The following ABHD6 variants were observed in gnomAD, a reference collection of about 807,000 sequenced individuals.
ABHD6 encodes the protein monoacylglycerol lipase ABHD6.
A neutral mutation model predicts 38.8 loss-of-function variants in ABHD6; 33 were observed. The ratio of observed to expected loss-of-function variants is 0.85; its 90% CI spans 0.64 to 1.14. The LOEUF (loss-of-function observed/expected upper bound fraction) is 1.14, where lower values mean the gene tolerates loss of function less well. Ranked by LOEUF, ABHD6 falls within the 50% of genes most tolerant of loss-of-function variation. The probability of loss-of-function intolerance (pLI) is 0.00; values close to 1 mark genes in which losing one functional copy is unlikely to be tolerated. For missense variants in ABHD6, 380 were observed against 422.6 expected, an observed-to-expected ratio of 0.90 and a Z score of 0.88; for synonymous variants, 147 against 161.6, an observed-to-expected ratio of 0.91 and a Z score of 0.69.
intron 7 of ABHD6, among the ~76,000 whole-genome samples, chr3:58,281,299 A>G (rs1214190006): frequency 6.6e-6 from 1 of 152,134 alleles, no homozygotes; most frequent in African/African-American, 2.4e-5. Flanking sequence ...AGCCTCAGCA[A>G]TGGCAGACGC....
chr3:58,258,881 G>A (rs910294154), intron 3 of ABHD6, among the ~76,000 whole-genome samples: 13 of 152,232 alleles, frequency 8.5e-5, no homozygotes, highest in African/African-American at 2.6e-4. Context: ...CAAGTCACCC[G>A]GGACCCACCT....
In ABHD6 at chr3:58,290,712, G is replaced by C. The variant is rs77947346; in HGVS notation, c.838-2877G>C. On this transcript the variant is annotated intron_variant, in intron 9 of 9. Coordinates refer to ENST00000478253, the MANE Select transcript of ABHD6 (RefSeq NM_001320126.2). ...TCACCTCCCAGACGGGGTCGCGGCCGGGCAGAGGCGCTCCTCACATCCCAG... is the reference window on the plus strand; with the variant it reads ...TCACCTCCCAGACGGGGTCGCGGCCCGGCAGAGGCGCTCCTCACATCCCAG... Among the ~76,000 whole-genome samples, 37 of 151,686 alleles carry C rather than the reference G, an allele frequency of 2.4e-4. 1 individual carries two copies. Among genetic ancestry groups the C allele is most frequent in the South Asian group, 4.2e-4 (2 of 4,796 alleles).
Position 58,287,480 on chromosome 3 carries a change from T to C in ABHD6, c.837+2027T>C, listed in dbSNP as rs886557603. Among the ~76,000 whole-genome samples, 2 of 151,032 alleles carry C rather than the reference T, an allele frequency of 1.3e-5. No individual in the cohort carries two copies. The highest frequency in any genetic ancestry group is 4.9e-5 in the African/African-American group (2 of 41,062). ...ACGCAGAATAAGAGGCAATGGTGTC[T>C]TAGATGAGCCAGGCATGGTGAGGAT... On this transcript the variant is annotated intron_variant, in intron 9 of 9. Transcript: ENST00000478253. The surrounding 1 kb of genome is among the most constrained non-coding windows in gnomAD (Gnocchi z 4.7).
At position 58,293,754 on chromosome 3, in the gene ABHD6, A is replaced by G; in HGVS notation, c.1003A>G (p.Lys335Glu). The G allele has an allele frequency of 6.2e-7, 1 of 1,614,092 alleles. No homozygotes were observed. Among genetic ancestry groups the G allele is most frequent in the Non-Finnish European group, 8.5e-7 (1 of 1,179,958 alleles). ...TGTGCACAACACAGACAACAACAAG[A>G]AGCTGGACTGAGGCCCCGACTGCAG... ...ASVHNTDNNK[K>E]LD Residue 335 changes from lysine to glutamate, a missense_variant, in exon 10 of 10, where the codon AAG (lysine) becomes GAG (glutamate). Physicochemically the swap from Lys to Glu is moderately conservative, Grantham distance 56 (BLOSUM62 1). Coordinates refer to ENST00000478253, the MANE Select transcript of ABHD6 (RefSeq NM_001320126.2). The surrounding 1 kb of genome is among the most constrained non-coding windows in gnomAD (Gnocchi z 4.4).
At chr3:58,278,857 T>C (rs2107465164) in intron 7 of ABHD6, among the ~76,000 whole-genome samples, 1 of 152,364 alleles carries the variant, frequency 6.6e-6, no homozygotes, top group East Asian at 1.9e-4. Context: ...TTTCGATATT[T>C]ACCCAGTAGT....
At chr3:58,272,375 C>T (rs1411464358) in intron 6 of ABHD6, among the ~76,000 whole-genome samples, 1 of 152,136 alleles carries the variant, frequency 6.6e-6, no homozygotes, top group Non-Finnish European at 1.5e-5. Context: ...TTTTATGACT[C>T]ATATCTTCTA....
At chr3:58,242,958 G>A (rs1190098918) in intron 1 of ABHD6, among the ~76,000 whole-genome samples, 1 of 152,088 alleles carries the variant, frequency 6.6e-6, no homozygotes, top group African/African-American at 2.4e-5. Context: ...ACCTATGAGT[G>A]AGACTGTGCG....
chr3:58,244,990 C>G (rs945956142), intron 1 of ABHD6, among the ~76,000 whole-genome samples: 1 of 152,066 alleles, frequency 6.6e-6, no homozygotes, highest in Non-Finnish European at 1.5e-5. Context: ...GAGATTCTGG[C>G]TAGAAAGAAG....
At chr3:58,261,225 G>A (rs2097436712) in intron 3 of ABHD6, among the ~76,000 whole-genome samples, 1 of 151,990 alleles carries the variant, frequency 6.6e-6, no homozygotes, top group South Asian at 2.1e-4. Context: ...AAAGAAAAGG[G>A]GATAAGAATT....
chr3:58,256,836 A>G lies in ABHD6; in HGVS notation c.119+131A>G, dbSNP rs972714974. 1.3e-6 allele frequency: 1 copy of G among 754,546 alleles called. No individual in the cohort carries two copies. The highest frequency in any genetic ancestry group is 2.2e-6 in the Non-Finnish European group (1 of 455,096). 46.7% of individuals were successfully genotyped at this position (754,546 alleles called of 1,614,324 possible). On this transcript the variant is annotated intron_variant, in intron 3 of 9. Coordinates refer to ENST00000478253, the MANE Select transcript of ABHD6 (RefSeq NM_001320126.2). The surrounding 1 kb of genome is among the most constrained non-coding windows in gnomAD (Gnocchi z 4.3). Reference sequence around the variant, plus strand: ...CAGACAGAGAGAAAAGTTGAAAGGTACTCATCCTGTTTGGAATTTTGGGAA... The same window carrying G: ...CAGACAGAGAGAAAAGTTGAAAGGTGCTCATCCTGTTTGGAATTTTGGGAA...
In ABHD6 at chr3:58,263,368, C is replaced by T. The variant is rs190543483; in HGVS notation, c.120-3821C>T. 1.7e-3 allele frequency among the ~76,000 whole-genome samples: 241 copies of T among 140,880 alleles called. 1 individual carries two copies. Among genetic ancestry groups the T allele is most frequent in the South Asian group, 4.9e-3 (22 of 4,454 alleles). 92.4% of individuals were successfully genotyped at this position (140,880 alleles called of 152,430 possible). A position where few individuals can be genotyped will look rare whatever the true frequency, so the allele number is the denominator to read the frequency against. On this transcript the variant is annotated intron_variant, in intron 3 of 9. Coordinates refer to ENST00000478253, the MANE Select transcript of ABHD6 (RefSeq NM_001320126.2). The surrounding 1 kb of genome is among the most constrained non-coding windows in gnomAD (Gnocchi z 4.9). Reference sequence around the variant, plus strand: ...TTGCGCCACTGCACTCCAGCCTAGGCAACGAGAGTGAAACTCCATCTCAAA... The same window carrying T: ...TTGCGCCACTGCACTCCAGCCTAGGTAACGAGAGTGAAACTCCATCTCAAA...
intron 2 of ABHD6, among the ~76,000 whole-genome samples, chr3:58,255,480 T>TTA (rs397948051): frequency 2.7e-4 from 40 of 149,092 alleles, no homozygotes; most frequent in African/African-American, 9.8e-4. Context: ...TTTTTTTTTT[T>TTA]AAAGGTTCTC....
chr3:58,250,374 A>G (rs538731267), intron 2 of ABHD6, among the ~76,000 whole-genome samples: 44 of 152,214 alleles, frequency 2.9e-4, no homozygotes, highest in African/African-American at 1.0e-3. Context: ...GGTTATTTGG[A>G]GTGCAGGCAA....
At position 58,259,392 on chromosome 3, in the gene ABHD6, A is replaced by AT. The variant is rs2097435475; in HGVS notation, c.119+2689dup. ...AAAAGTCACCATTTTAAAGTGTACA[A>AT]TTCAAGGCTGGGCACGATGGCTCAC... On this transcript the variant is annotated intron_variant, in intron 3 of 9. Transcript: ENST00000478253. This position sits in a 1 kb window ranked among gnomAD's most constrained non-coding sequence, Gnocchi z 4.7. 1.3e-5 allele frequency among the ~76,000 whole-genome samples: 2 copies of AT among 152,206 alleles called. No homozygotes were observed. Among genetic ancestry groups the AT allele is most frequent in the South Asian group, 4.1e-4 (2 of 4,828 alleles).
chr3:58,279,196 TG>T (rs2097451058), intron 7 of ABHD6, among the ~76,000 whole-genome samples: 1 of 152,200 alleles, frequency 6.6e-6, no homozygotes, highest in African/African-American at 2.4e-5. Flanking sequence ...GTATTGACAG[TG>T]GGGTGTTAAA....
chr3:58,290,144 C>T (rs1182883934), intron 9 of ABHD6, among the ~76,000 whole-genome samples: 10 of 111,826 alleles, frequency 8.9e-5, no homozygotes, highest in East Asian at 3.1e-4. Context: ...ACCTCCCGGA[C>T]GGGGCGGCTG....
intron 9 of ABHD6, among the ~76,000 whole-genome samples, chr3:58,286,284 G>T (rs922532316): frequency 3.9e-5 from 6 of 151,920 alleles, no homozygotes; most frequent in African/African-American, 1.2e-4. Context: ...CTCCCAAAGT[G>T]TTGGGATTAC....
At chr3:58,239,613 C>T (rs944187577) in intron 1 of ABHD6, among the ~76,000 whole-genome samples, 2 of 152,060 alleles carry the variant, frequency 1.3e-5, no homozygotes, top group Admixed American at 6.6e-5. Flanking sequence ...ACAGAAGTGC[C>T]CTTCTGGTTT....
At chr3:58,270,658 T>C (rs573881169) in intron 5 of ABHD6, among the ~76,000 whole-genome samples, 1 of 152,236 alleles carries the variant, frequency 6.6e-6, no homozygotes, top group East Asian at 1.9e-4. Flanking sequence ...TGAGACCCTG[T>C]CTCAGAAAAA....
Sources: gnomAD v4.1 joint callset for allele counts (sites outside exome capture counted in the v4.1 genomes callset) on GRCh38, gnomAD v4.1.1 for gene constraint, Gnocchi (gnomAD v3.1) non-coding constraint, MANE v1.5 for transcripts, NCBI Gene and HGNC (gene_info 2026-07-23, HGNC 2026-07-21) for gene names.